ANKRD46: variants seen among roughly 807,000 people sequenced by gnomAD.
ANKRD46 encodes the protein ankyrin repeat domain 46, also known as ankyrin repeat domain-containing protein 46.
Under a neutral mutation model 19.8 loss-of-function variants are expected in ANKRD46, and 13 were observed. The ratio of observed to expected loss-of-function variants is 0.66; its 90% CI spans 0.43 to 1.04. ANKRD46 has a LOEUF of 1.04. ANKRD46 is among the 50% of genes least tolerant of loss of function. The pLI is 0.00. For synonymous variants in ANKRD46, 91 were observed against 106.9 expected, an observed-to-expected ratio of 0.85 and a Z score of 0.92; for missense variants, 185 against 274.8, an observed-to-expected ratio of 0.67 and a Z score of 2.31.
At chr8:100,526,183 G>A (rs564076440) in intron 4 of ANKRD46, among the ~76,000 whole-genome samples, 4 of 152,188 alleles carry the variant, frequency 2.6e-5, no homozygotes, top group Non-Finnish European at 5.9e-5. Context: ...GGAAGCAGGA[G>A]TACTTCCACT....
rs1194485416 is a variant in ANKRD46 at position 100,534,715 on chromosome 8, C to T, written c.-130-1404G>A. On this transcript the variant is annotated intron_variant, in intron 1 of 4. Coordinates refer to ENST00000335659, the MANE Select transcript of ANKRD46 (RefSeq NM_001270377.2). The surrounding 1 kb of genome is among the most constrained non-coding windows in gnomAD (Gnocchi z 4.2). ...AATTATAGTTCATATGGTCATGCCC[C>T]CAAATAATCCTAATGTTCTCTTAAA... is the stretch of plus-strand genomic sequence containing the variant. 6.6e-6 allele frequency among the ~76,000 whole-genome samples: 1 copy of T among 152,136 alleles called. No homozygotes were observed. The highest frequency in any genetic ancestry group is 1.9e-4 in the East Asian group (1 of 5,190).
In ANKRD46 at chr8:100,527,697, C is replaced by T; in HGVS notation, c.470+148G>A. On this transcript the variant is annotated intron_variant, in intron 4 of 4. Coordinates refer to ENST00000335659, the MANE Select transcript of ANKRD46 (RefSeq NM_001270377.2). This position sits in a 1 kb window ranked among gnomAD's most constrained non-coding sequence, Gnocchi z 4.0. ...ATCCACATACTTAAAGTGACTTTCC[C>T]CTTAAAAAATCGTATTATCTTGCTG... 1.4e-6 allele frequency: 1 copy of T among 717,980 alleles called. No individual in the cohort carries two copies. The highest frequency in any genetic ancestry group is 2.1e-6 in the Non-Finnish European group (1 of 473,938). The allele number at this position is 717,980 out of a possible 1,614,324, so 44.5% of individuals were successfully genotyped here.
chr8:100,517,098 G>A (rs372218232), downstream of ANKRD46, among the ~76,000 whole-genome samples: 2 of 152,188 alleles, frequency 1.3e-5, no homozygotes, highest in African/African-American at 4.8e-5. Context: ...TGAAGATTGA[G>A]TTAATAAGTA....
Position 100,550,526 on chromosome 8 carries a change from T to C in ANKRD46, c.-131+9185A>G, listed in dbSNP as rs1004230420. On this transcript the variant is annotated intron_variant, in intron 1 of 4. Coordinates refer to ENST00000335659, the MANE Select transcript of ANKRD46 (RefSeq NM_001270377.2). This position sits in a 1 kb window ranked among gnomAD's most constrained non-coding sequence, Gnocchi z 4.4. ...TTAAAATCAGGTTGTTCATTTTCTA[T>C]CTTTTTTTTTTTTTTGAGTACAGAG... is the stretch of plus-strand genomic sequence containing the variant. 3.1e-5 allele frequency: 2 copies of C among 65,520 alleles called. No individual in the cohort carries two copies. Among genetic ancestry groups the C allele is most frequent in the Non-Finnish European group, 7.4e-5 (2 of 26,866 alleles). The allele number at this position is 65,520 out of a possible 1,614,324, so 4.1% of individuals were successfully genotyped here.
chr8:100,554,174 C>T (rs560814182), intron 1 of ANKRD46, among the ~76,000 whole-genome samples: 17 of 152,284 alleles, frequency 1.1e-4, no homozygotes, highest in African/African-American at 4.1e-4. Context: ...GCTTATTCAA[C>T]ATGTTTTGGT....
chr8:100,519,202 T>C (rs1811682701), downstream of ANKRD46, among the ~76,000 whole-genome samples: 1 of 152,176 alleles, frequency 6.6e-6, no homozygotes, highest in African/African-American at 2.4e-5. Flanking sequence ...TCAACCTGTG[T>C]AAGGGTACTG....
rs1002664258 is a variant in ANKRD46, at chr8:100,534,229, T to C, written c.-130-918A>G. On this transcript the variant is annotated intron_variant, in intron 1 of 4. Coordinates refer to ENST00000335659, the MANE Select transcript of ANKRD46 (RefSeq NM_001270377.2). The surrounding 1 kb of genome is among the most constrained non-coding windows in gnomAD (Gnocchi z 4.2). ...TTATATAGGGAAATAATTAATGGTA[T>C]TTTACAAAGCTCCATTTACAATATG... Among the ~76,000 whole-genome samples, 1 of 152,202 alleles carries C rather than the reference T, an allele frequency of 6.6e-6. No individual in the cohort carries two copies. The highest frequency in any genetic ancestry group is 1.5e-5 in the Non-Finnish European group (1 of 68,026).
Position 100,548,088 on chromosome 8 carries a change from T to C in ANKRD46, c.-131+11623A>G, listed in dbSNP as rs74804968. 8.6e-5 allele frequency among the ~76,000 whole-genome samples: 13 copies of C among 151,544 alleles called. No individual in the cohort carries two copies. The East Asian group carries it at 2.5e-3, about 29-fold the overall frequency. ...TAATCTCCATTTCCACTTCTGCCTC[T>C]CTACAATCCGTTCTCAATACAGAAA... On this transcript the variant is annotated intron_variant, in intron 1 of 4. Coordinates refer to ENST00000335659, the MANE Select transcript of ANKRD46 (RefSeq NM_001270377.2).
Position 100,545,347 on chromosome 8 carries a change from AC to A in ANKRD46, c.-130-12037del, listed in dbSNP as rs1328318600. On this transcript the variant is annotated intron_variant, in intron 1 of 4. Transcript: ENST00000335659. The surrounding 1 kb of genome is among the most constrained non-coding windows in gnomAD (Gnocchi z 4.7). Reference sequence around the variant, plus strand: ...AGGTGAATGGAGCATGGGGGTGGTTACCCCCATGCTGTTCTCATGATAGTGA... The same window carrying A: ...AGGTGAATGGAGCATGGGGGTGGTTACCCCATGCTGTTCTCATGATAGTGA... Among the ~76,000 whole-genome samples, 2 of 151,866 alleles carry A rather than the reference AC, an allele frequency of 1.3e-5. No homozygotes were observed. Among genetic ancestry groups the A allele is most frequent in the Non-Finnish European group, 2.9e-5 (2 of 67,936 alleles).
chr8:100,524,056 A>C lies in ANKRD46; in HGVS notation c.471-1285T>G, dbSNP rs1811786888. On this transcript the variant is annotated intron_variant, in intron 4 of 4. Transcript: ENST00000335659. This position sits in a 1 kb window ranked among gnomAD's most constrained non-coding sequence, Gnocchi z 4.3. ...CATAAAGGCTAGTCTAGTTGAAAATAAGGTAGTGCAAATACCATAAAAACA... is the reference window on the plus strand; with the variant it reads ...CATAAAGGCTAGTCTAGTTGAAAATCAGGTAGTGCAAATACCATAAAAACA... 6.6e-6 allele frequency among the ~76,000 whole-genome samples: 1 copy of C among 152,254 alleles called. No individual in the cohort carries two copies. The highest frequency in any genetic ancestry group is 1.5e-5 in the Non-Finnish European group (1 of 68,044).
chr8:100,515,600 G>A (rs1811616929), intron 5 of ANKRD46, among the ~76,000 whole-genome samples: 1 of 149,974 alleles, frequency 6.7e-6, no homozygotes, highest in Non-Finnish European at 1.5e-5. Context: ...TCTATCTTTA[G>A]GTATTTCACA....
Position 100,522,538 on chromosome 8 carries a change from A to G in ANKRD46, c.*17T>C. The G allele has an allele frequency of 6.2e-7, 1 of 1,612,786 alleles. No homozygotes were observed. Among genetic ancestry groups the G allele is most frequent in the Non-Finnish European group, 8.5e-7 (1 of 1,179,110 alleles). ...CAGGAAACAGGCAATTAATTGCCTC[A>G]TCTTCCATGAGCTCCTTTAATGCAC... is the stretch of plus-strand genomic sequence containing the variant. On this transcript the variant is annotated 3_prime_UTR_variant, in exon 5 of 5. Transcript: ENST00000335659.
intron 1 of ANKRD46, among the ~76,000 whole-genome samples, chr8:100,539,444 A>G (rs116559856): frequency 6.6e-6 from 1 of 152,368 alleles, no homozygotes; most frequent in African/African-American, 2.4e-5. Flanking sequence ...GAAGGAGTTT[A>G]TAAGCAGAAT....
intron 1 of ANKRD46, among the ~76,000 whole-genome samples, chr8:100,535,151 A>G (rs1376847031): frequency 6.6e-6 from 1 of 152,234 alleles, no homozygotes; most frequent in East Asian, 1.9e-4. Flanking sequence ...TAATAATATT[A>G]TACAAATTCA....
rs1376356809 is a variant in ANKRD46, at chr8:100,510,890, A to G, written c.637-251T>C. Reference sequence around the variant, plus strand: ...TGTTCAATGTCCTCTCGAGCTAATAATTAAGGTATTATTTAATGAAAGCTC... The same window carrying G: ...TGTTCAATGTCCTCTCGAGCTAATAGTTAAGGTATTATTTAATGAAAGCTC... On this transcript the variant is annotated intron_variant, in intron 5 of 5. Coordinates refer to the ANKRD46 transcript ENST00000520552. This position sits in a 1 kb window ranked among gnomAD's most constrained non-coding sequence, Gnocchi z 4.9. 6.6e-6 allele frequency among the ~76,000 whole-genome samples: 1 copy of G among 152,152 alleles called. No individual in the cohort carries two copies. Among genetic ancestry groups the G allele is most frequent in the Non-Finnish European group, 1.5e-5 (1 of 68,020 alleles).
rs544175046 is a variant in ANKRD46, at chr8:100,511,384, G to C, written c.637-745C>G. ...AAAGAGTGGGTGTTTATGACAAGGA[G>C]TGTCTTGTTTATTTTCTTATGTATC... On this transcript the variant is annotated intron_variant, in intron 5 of 5. Transcript: ENST00000520552. This position sits in a 1 kb window ranked among gnomAD's most constrained non-coding sequence, Gnocchi z 4.1. Among the ~76,000 whole-genome samples the C allele has an allele frequency of 6.6e-6, 1 of 151,258 alleles. No individual in the cohort carries two copies. Among genetic ancestry groups the C allele is most frequent in the African/African-American group, 2.4e-5 (1 of 41,392 alleles).
In ANKRD46 at chr8:100,511,153, G is replaced by A. The variant is rs1276832716; in HGVS notation, c.637-514C>T. ...GCTTACACATCGCAGCTGATCCCCTGGTTAGCATTACTATTCCCATGTAAC... is the reference window on the plus strand; with the variant it reads ...GCTTACACATCGCAGCTGATCCCCTAGTTAGCATTACTATTCCCATGTAAC... On this transcript the variant is annotated intron_variant, in intron 5 of 5. Transcript: ENST00000520552. This position sits in a 1 kb window ranked among gnomAD's most constrained non-coding sequence, Gnocchi z 4.1. Among the ~76,000 whole-genome samples the A allele has an allele frequency of 6.6e-6, 1 of 152,184 alleles. No individual in the cohort carries two copies. Among genetic ancestry groups the A allele is most frequent in the African/African-American group, 2.4e-5 (1 of 41,432 alleles).
chr8:100,520,741 TAAAAAAAAA>T (rs5893523), downstream of ANKRD46: 5 of 720,004 alleles, frequency 6.9e-6, no homozygotes, highest in Non-Finnish European at 8.2e-6. Context: ...TATAATACAC[TAAAAAAAAA>T]AAAAAAAAAG....
intron 2 of ANKRD46, among the ~76,000 whole-genome samples, chr8:100,531,208 A>G (rs1811956427): frequency 6.6e-6 from 1 of 152,266 alleles, no homozygotes; most frequent in African/African-American, 2.4e-5. Flanking sequence ...GCAGAGACCA[A>G]TGCTTTTCTA....
Sources: allele counts gnomAD v4.1 joint callset (sites outside exome capture counted in the v4.1 genomes callset), GRCh38; gene constraint gnomAD v4.1.1; non-coding constraint Gnocchi (gnomAD v3.1); transcripts MANE v1.5; gene names NCBI Gene and HGNC (gene_info 2026-07-23, HGNC 2026-07-21).